ZBTB20: variants seen among roughly 807,000 people sequenced by gnomAD.
ZBTB20 encodes zinc finger and BTB domain containing 20.
A neutral mutation model predicts 56.9 loss-of-function variants in ZBTB20; 9 were observed. That is an observed-to-expected ratio of 0.16 (90% CI 0.10 to 0.28). ZBTB20 has a LOEUF of 0.28. ZBTB20 is among the 10% of genes least tolerant of loss of function. The probability of loss-of-function intolerance (pLI) is 1.00; values close to 1 mark genes in which losing one functional copy is unlikely to be tolerated. For synonymous variants in ZBTB20, 417 were observed against 420.7 expected (o/e 0.99, Z 0.11); for missense variants, 655 against 1,003.0 (o/e 0.65, Z 4.69).
intron 6 of ZBTB20, among the ~76,000 whole-genome samples, chr3:114,535,533 C>T (rs994921825): frequency 5.9e-5 from 9 of 152,056 alleles, no homozygotes; most frequent in African/African-American, 1.4e-4. Flanking sequence ...CAGGACCAGA[C>T]GAATTCACAG....
chr3:115,083,098 T>C (rs1249349994), intron 1 of ZBTB20, among the ~76,000 whole-genome samples: 1 of 152,044 alleles, frequency 6.6e-6, no homozygotes, highest in East Asian at 1.9e-4. Flanking sequence ...AAGGCAATTA[T>C]AGCCACAAAG....
chr3:114,580,464 A>T (rs542593175), intron 6 of ZBTB20, among the ~76,000 whole-genome samples: 2 of 151,778 alleles, frequency 1.3e-5, no homozygotes, highest in Non-Finnish European at 3.0e-5. Flanking sequence ...TAATGTGACT[A>T]TCCTATTCAC....
chr3:115,058,498 G>T (rs1266888762), intron 2 of ZBTB20, among the ~76,000 whole-genome samples: 2 of 152,144 alleles, frequency 1.3e-5, no homozygotes, highest in African/African-American at 4.8e-5. Context: ...GGAGGCTGAG[G>T]CAGGCAGATC....
At chr3:114,344,739 A>G (rs73238056) in intron 11 of ZBTB20, among the ~76,000 whole-genome samples, 4 of 152,360 alleles carry the variant, frequency 2.6e-5, no homozygotes, top group Non-Finnish European at 5.9e-5. Flanking sequence ...TCCAAGCTCC[A>G]TATGAGGATT....
chr3:114,542,740 T>A (rs976164720), intron 6 of ZBTB20, among the ~76,000 whole-genome samples: 2 of 152,110 alleles, frequency 1.3e-5, no homozygotes. Context: ...GGCAGTGAGG[T>A]ACACAGGAAG....
intron 3 of ZBTB20, among the ~76,000 whole-genome samples, chr3:114,966,195 T>C (rs1409192447): frequency 1.3e-5 from 2 of 152,118 alleles, no homozygotes; most frequent in Non-Finnish European, 2.9e-5. Flanking sequence ...TGTAACGGTA[T>C]ACTGATTTCC....
chr3:114,973,127 G>A (rs1027296776), intron 3 of ZBTB20, among the ~76,000 whole-genome samples: 1 of 152,088 alleles, frequency 6.6e-6, no homozygotes, highest in East Asian at 1.9e-4. Flanking sequence ...GAGAATTCTC[G>A]TTAACTACCT....
At chr3:114,792,258 G>A (rs1253542433) in intron 5 of ZBTB20, 1 of 151,660 alleles carries the variant, frequency 6.6e-6, no homozygotes, top group Admixed American at 6.6e-5. Flanking sequence ...TTTTTCTCCT[G>A]AGGAGACCAA....
At chr3:114,431,041 C>G (rs1354261634) in intron 7 of ZBTB20, among the ~76,000 whole-genome samples, 1 of 151,816 alleles carries the variant, frequency 6.6e-6, no homozygotes, top group Non-Finnish European at 1.5e-5. Flanking sequence ...AGAGTCCCCT[C>G]CTCCCTGTGC....
At chr3:114,929,239 A>T (rs1445509389) in intron 3 of ZBTB20, among the ~76,000 whole-genome samples, 2 of 152,168 alleles carry the variant, frequency 1.3e-5, no homozygotes, top group African/African-American at 4.8e-5. Flanking sequence ...CAGGGAAGAA[A>T]AGACTACTAC....
intron 4 of ZBTB20, among the ~76,000 whole-genome samples, chr3:114,883,822 T>C (rs1258886347): frequency 6.6e-6 from 1 of 151,910 alleles, no homozygotes; most frequent in Non-Finnish European, 1.5e-5. Context: ...AAGTAGTTCA[T>C]TCCTTCATTT....
At chr3:115,038,324 C>T (rs2081009729) in intron 2 of ZBTB20, among the ~76,000 whole-genome samples, 1 of 152,142 alleles carries the variant, frequency 6.6e-6, no homozygotes, top group Admixed American at 6.5e-5. Context: ...AATGACAAAG[C>T]TTGTCCCTTT....
At chr3:114,465,352 A>C (rs1382686683) in intron 7 of ZBTB20, among the ~76,000 whole-genome samples, 1 of 152,166 alleles carries the variant, frequency 6.6e-6, no homozygotes, top group Non-Finnish European at 1.5e-5. Flanking sequence ...GTTTCTTCTA[A>C]GTTTGGTCCA....
intron 3 of ZBTB20, among the ~76,000 whole-genome samples, chr3:114,958,340 A>T (rs185831481): frequency 2.5e-3 from 374 of 152,342 alleles, no homozygotes; most frequent in African/African-American, 8.4e-3. Context: ...TAAACAGTTC[A>T]TAATGCTCCA....
At chr3:114,952,861 A>G (rs1210313427) in intron 3 of ZBTB20, among the ~76,000 whole-genome samples, 1 of 152,064 alleles carries the variant, frequency 6.6e-6, no homozygotes, top group Non-Finnish European at 1.5e-5. Context: ...AGCTCTCCAG[A>G]CAGAAGACAA....
intron 6 of ZBTB20, among the ~76,000 whole-genome samples, chr3:114,561,865 T>C (rs2052100108): frequency 6.6e-6 from 1 of 152,122 alleles, no homozygotes; most frequent in Admixed American, 6.6e-5. Context: ...ATAAAAACCC[T>C]AAATGGCATT....
At chr3:114,716,287 C>T (rs1008966183) in intron 5 of ZBTB20, among the ~76,000 whole-genome samples, 1 of 152,160 alleles carries the variant, frequency 6.6e-6, no homozygotes, top group South Asian at 2.1e-4. Context: ...TTGCCATTTG[C>T]TATTCAAATC....
At chr3:114,392,470 C>T (rs2085965753) in intron 7 of ZBTB20, among the ~76,000 whole-genome samples, 1 of 152,152 alleles carries the variant, frequency 6.6e-6, no homozygotes, top group South Asian at 2.1e-4. Context: ...GTGATAAACT[C>T]AGGCTGAAAA....
chr3:115,033,096 A>G (rs1362282858), intron 2 of ZBTB20, among the ~76,000 whole-genome samples: 1 of 151,110 alleles, frequency 6.6e-6, no homozygotes, highest in Admixed American at 6.6e-5. Flanking sequence ...AAAAATATTA[A>G]TAAGATTGAC....
Sources: allele counts gnomAD v4.1 joint callset (sites outside exome capture counted in the v4.1 genomes callset), GRCh38; gene constraint gnomAD v4.1.1; transcripts MANE v1.5; gene names NCBI Gene and HGNC (gene_info 2026-07-23, HGNC 2026-07-21).